UNC5A: variants seen among roughly 807,000 people sequenced by gnomAD.
The protein encoded by UNC5A is unc-5 netrin receptor A.
UNC5A carries 20 observed loss-of-function variants against 87.4 expected under a neutral mutation model. The observed-to-expected ratio is 0.23, with a 90% CI of 0.16 to 0.33. The LOEUF (loss-of-function observed/expected upper bound fraction) is 0.33, where lower values mean the gene tolerates loss of function less well. UNC5A is among the 10% of genes least tolerant of loss of function. The pLI is 1.00. For synonymous variants in UNC5A, 438 were observed against 482.3 expected (o/e 0.91, Z 1.20); for missense variants, 844 against 1,133.4 (o/e 0.74, Z 3.67).
In UNC5A at chr5:176,874,320, C is replaced by G. The variant is rs1191327432; in HGVS notation, c.1132C>G (p.Gln378Glu). The part of the protein sequence containing the change: ...PDLSTTTTTY[Q>E]GSLCPRQDGP... Reference sequence around the variant, plus strand: ...CCTCAGCACCACCACCACCACCTACCAGGGCAGTCTCTGTCCCCGGCAGGA... The same window carrying G: ...CCTCAGCACCACCACCACCACCTACGAGGGCAGTCTCTGTCCCCGGCAGGA... The change falls in exon 8 of 15, where the codon CAG (glutamine) becomes GAG (glutamate). Residue 378 changes from glutamine to glutamate, a missense_variant. Physicochemically the swap from Gln to Glu is conservative, Grantham distance 29. Around this residue, in one of 3 missense-constraint regions of UNC5A, gnomAD observed 353 missense variants for 387.5 expected, o/e 0.91. Transcript: ENST00000329542. This position sits in a 1 kb window ranked among gnomAD's most constrained non-coding sequence, Gnocchi z 7.6. 2 of 1,611,606 alleles carry G rather than the reference C, an allele frequency of 1.2e-6. No homozygotes were observed. The highest frequency in any genetic ancestry group is 1.7e-6 in the Non-Finnish European group (2 of 1,178,750).
chr5:176,876,735 C>G (rs1251654641), intron 8 of UNC5A, among the ~76,000 whole-genome samples: 2 of 152,092 alleles, frequency 1.3e-5, no homozygotes, highest in African/African-American at 4.8e-5. Context: ...AGTGGGGGCT[C>G]AGGCAGTGGT....
intron 1 of UNC5A, among the ~76,000 whole-genome samples, chr5:176,855,343 G>A (rs1467148036): frequency 2.0e-5 from 3 of 152,178 alleles, no homozygotes; most frequent in Non-Finnish European, 4.4e-5. Context: ...CCAAAAACCC[G>A]ACCAAGATGC....
intron 1 of UNC5A, among the ~76,000 whole-genome samples, chr5:176,832,935 G>A (rs182175947): frequency 1.2e-3 from 180 of 152,324 alleles, no homozygotes; most frequent in Non-Finnish European, 1.9e-3. Flanking sequence ...GATGGCCAGG[G>A]CTTGGTCAGC....
chr5:176,838,358 T>A lies in UNC5A; in HGVS notation c.71-24266T>A, dbSNP rs886622254. ...TCCCCAACCTGTCATTCAAGTCCCA[T>A]GGTAAAATGTTCCTGATCTGTCTTC... On this transcript the variant is annotated intron_variant, in intron 1 of 14. Transcript: ENST00000329542. This position sits in a 1 kb window ranked among gnomAD's most constrained non-coding sequence, Gnocchi z 4.2. Among the ~76,000 whole-genome samples the A allele has an allele frequency of 6.6e-6, 1 of 152,238 alleles. No homozygotes were observed. Among genetic ancestry groups the A allele is most frequent in the East Asian group, 1.9e-4 (1 of 5,200 alleles).
At position 176,878,594 on chromosome 5, in the gene UNC5A, G is replaced by A; in HGVS notation, c.2139G>A (p.Val713=). The part of the protein sequence containing the change: ...DLACKLWVWQ[V]EGDGQSFSIN... ...CCTGCAAGCTGTGGGTGTGGCAGGT[G>A]GAGGGCGACGGGCAGAGCTTCAGCA... is the stretch of plus-strand genomic sequence containing the variant. The change falls in exon 13 of 15, where the codon GTG becomes GTA. Residue 713 remains valine (V), a synonymous_variant. Coordinates refer to ENST00000329542, the MANE Select transcript of UNC5A (RefSeq NM_133369.3). 1 of 1,612,852 alleles carries A rather than the reference G, an allele frequency of 6.2e-7. No individual in the cohort carries two copies. The highest frequency in any genetic ancestry group is 8.5e-7 in the Non-Finnish European group (1 of 1,179,958).
Position 176,844,347 on chromosome 5 carries a change from G to T in UNC5A, c.71-18277G>T, listed in dbSNP as rs533320270. Among the ~76,000 whole-genome samples the T allele has an allele frequency of 5.3e-5, 8 of 152,262 alleles. No homozygotes were observed. The highest frequency in any genetic ancestry group is 1.9e-4 in the African/African-American group (8 of 41,554). On this transcript the variant is annotated intron_variant, in intron 1 of 14. Coordinates refer to ENST00000329542, the MANE Select transcript of UNC5A (RefSeq NM_133369.3). The surrounding 1 kb of genome is among the most constrained non-coding windows in gnomAD (Gnocchi z 4.2). The stretch of plus-strand genomic sequence containing the variant: ...CGCTGGAGTCCCAGGGTGGAGGTGG[G>T]CCCAGATCTGTGCAGGGCCCAGCCT...
At chr5:176,870,638 T>A in intron 6 of UNC5A, 104 bp downstream of exon 6, 1 of 1,327,230 alleles carries the variant, frequency 7.5e-7, no homozygotes, top group Non-Finnish European at 1.0e-6. Flanking sequence ...CCAAAGGCTG[T>A]AGCCTCTCCA....
At chr5:176,839,472 T>A (rs504961) in intron 1 of UNC5A, among the ~76,000 whole-genome samples, 13,023 of 152,298 alleles carry the variant, frequency 0.086, 1,864 homozygotes, top group African/African-American at 0.29. Flanking sequence ...GGGTGGGATA[T>A]CAGCATCGTT....
intron 1 of UNC5A, among the ~76,000 whole-genome samples, chr5:176,813,253 C>T (rs1021425135): frequency 2.0e-5 from 3 of 152,236 alleles, no homozygotes; most frequent in African/African-American, 7.2e-5. Flanking sequence ...CCTCTGCAGT[C>T]TTGAGCAGGA....
At chr5:176,867,460 A>G (rs1260066535) in intron 2 of UNC5A, among the ~76,000 whole-genome samples, 3 of 152,034 alleles carry the variant, frequency 2.0e-5, no homozygotes, top group Non-Finnish European at 4.4e-5. Flanking sequence ...TCCCTAGTGC[A>G]TAGGCGCCCC....
Position 176,880,705 on chromosome 5 carries a change from C to T in UNC5A, c.*819C>T, listed in dbSNP as rs879764064. ...TGTACAGTGGTGAGTGTGTGTGTGGCGTGGCGTGCCCGTCCCCAGGGCTGG... is the reference window on the plus strand; with the variant it reads ...TGTACAGTGGTGAGTGTGTGTGTGGTGTGGCGTGCCCGTCCCCAGGGCTGG... On this transcript the variant is annotated 3_prime_UTR_variant, in exon 15 of 15. Transcript: ENST00000329542. 2.7e-5 allele frequency: 5 copies of T among 188,312 alleles called. No individual in the cohort carries two copies. The highest frequency in any genetic ancestry group is 2.3e-4 in the Admixed American group (4 of 17,286). 11.7% of individuals were successfully genotyped at this position (188,312 alleles called of 1,614,324 possible).
At chr5:176,821,974 A>C (rs941326170) in intron 1 of UNC5A, among the ~76,000 whole-genome samples, 2 of 152,246 alleles carry the variant, frequency 1.3e-5, no homozygotes. Flanking sequence ...CGAAAGGTAG[A>C]GAGTCAGCTA....
chr5:176,810,947 G>A lies in UNC5A; in HGVS notation c.70+127G>A, dbSNP rs1756436893. Reference sequence around the variant, plus strand: ...GGAGCCCCCCGAGGCCAAACTTTGCGAGGCGGGACGCGGGGGGCTCTTCTT... The same window carrying A: ...GGAGCCCCCCGAGGCCAAACTTTGCAAGGCGGGACGCGGGGGGCTCTTCTT... On this transcript the variant is annotated intron_variant, in intron 1 of 14. Coordinates refer to ENST00000329542, the MANE Select transcript of UNC5A (RefSeq NM_133369.3). This position sits in a 1 kb window ranked among gnomAD's most constrained non-coding sequence, Gnocchi z 7.3. The A allele has an allele frequency of 5.1e-6, 4 of 782,260 alleles. No individual in the cohort carries two copies. The highest frequency in any genetic ancestry group is 5.2e-5 in the East Asian group (1 of 19,402). 48.5% of individuals were successfully genotyped at this position (782,260 alleles called of 1,614,324 possible). A position where few individuals can be genotyped will look rare whatever the true frequency, so the allele number is the denominator to read the frequency against.
chr5:176,856,346 G>A (rs1438122203), intron 1 of UNC5A, among the ~76,000 whole-genome samples: 1 of 152,182 alleles, frequency 6.6e-6, no homozygotes, highest in African/African-American at 2.4e-5. Context: ...TCTCCTGCCC[G>A]CCACTCCGCC....
chr5:176,828,742 T>C (rs1353695561), intron 1 of UNC5A, among the ~76,000 whole-genome samples: 1 of 152,192 alleles, frequency 6.6e-6, no homozygotes, highest in African/African-American at 2.4e-5. Context: ...GCAGGGACTA[T>C]GGCCTGCTCA....
At chr5:176,819,566 C>T (rs897455820) in intron 1 of UNC5A, among the ~76,000 whole-genome samples, 2 of 152,114 alleles carry the variant, frequency 1.3e-5, no homozygotes, top group Admixed American at 6.5e-5. Context: ...CAGGAGCTTC[C>T]GGGACTACAT....
intron 1 of UNC5A, among the ~76,000 whole-genome samples, chr5:176,811,221 A>G (rs1202575411): frequency 2.0e-5 from 3 of 152,144 alleles, no homozygotes; most frequent in Non-Finnish European, 4.4e-5. Flanking sequence ...GGTGCGGGGA[A>G]CGTTTAAGAT....
In UNC5A at chr5:176,875,796, C is replaced by A. The variant is rs1216594158; in HGVS notation, c.1378+1230C>A. 1.3e-5 allele frequency among the ~76,000 whole-genome samples: 2 copies of A among 152,178 alleles called. No homozygotes were observed. The highest frequency in any genetic ancestry group is 2.9e-5 in the Non-Finnish European group (2 of 68,032). On this transcript the variant is annotated intron_variant, in intron 8 of 14. Transcript: ENST00000329542. This position sits in a 1 kb window ranked among gnomAD's most constrained non-coding sequence, Gnocchi z 5.2. ...GACTCAACATCCCCGACACACGGTG[C>A]TGCCCTCTGCATGCACCGACCCCCT...
At chr5:176,850,740 G>A (rs1027754490) in intron 1 of UNC5A, among the ~76,000 whole-genome samples, 3 of 152,190 alleles carry the variant, frequency 2.0e-5, no homozygotes, top group Non-Finnish European at 2.9e-5. Flanking sequence ...CTAGGTTACT[G>A]GGTTTTCCTG....
Sources: gnomAD v4.1 joint callset for allele counts (sites outside exome capture counted in the v4.1 genomes callset) on GRCh38, gnomAD v4.1.1 for gene constraint, gnomAD v4.1.1 regional missense constraint, Gnocchi (gnomAD v3.1) non-coding constraint, MANE v1.5 for transcripts, NCBI Gene and HGNC (gene_info 2026-07-23, HGNC 2026-07-21) for gene names.